The following B3GLCT variants were observed in gnomAD, a reference collection of about 807,000 sequenced individuals.
The protein encoded by B3GLCT is beta-1,3-glucosyltransferase.
B3GLCT carries 65 observed loss-of-function variants against 63.4 expected under a neutral mutation model. That is an observed-to-expected ratio of 1.03 (90% confidence interval 0.84 to 1.26). B3GLCT has a LOEUF of 1.26. Among genes scored for constraint, B3GLCT ranks in the 50% most tolerant of loss-of-function variants. The probability of loss-of-function intolerance (pLI) is 0.00; values close to 1 mark genes in which losing one functional copy is unlikely to be tolerated. For missense variants in B3GLCT, 577 were observed against 604.8 expected (o/e 0.95, Z 0.48); for synonymous variants, 233 against 219.2 (o/e 1.06, Z -0.55).
chr13:31,245,485 A>G (rs1328541390), intron 4 of B3GLCT, among the ~76,000 whole-genome samples: 2 of 151,996 alleles, frequency 1.3e-5, no homozygotes, highest in Non-Finnish European at 2.9e-5. Flanking sequence ...TGGTTCTTCT[A>G]GTCTCTGTTC....
At chr13:31,236,692 G>C (rs1292912296) in intron 4 of B3GLCT, among the ~76,000 whole-genome samples, 2 of 152,216 alleles carry the variant, frequency 1.3e-5, no homozygotes, top group East Asian at 3.8e-4. Flanking sequence ...GGGTTAACAA[G>C]TCTTTTGGAA....
intron 12 of B3GLCT, among the ~76,000 whole-genome samples, chr13:31,295,121 C>T (rs1297906219): frequency 2.6e-5 from 4 of 152,198 alleles, no homozygotes; most frequent in Admixed American, 6.5e-5. Context: ...CAGACCCCAT[C>T]TGCCTGGGTA....
Position 31,253,618 on chromosome 13 carries a change from A to AAAAAAAAAC in B3GLCT, c.459+5655_459+5656insAAAAACAAA, listed in dbSNP as rs1555249042. 9.7e-5 allele frequency among the ~76,000 whole-genome samples: 8 copies of AAAAAAAAAC among 82,306 alleles called. 2 individuals are homozygous for AAAAAAAAAC. The highest frequency in any genetic ancestry group is 2.4e-4 in the African/African-American group (5 of 20,476). 54.0% of individuals were successfully genotyped at this position (82,306 alleles called of 152,430 possible). A position where few individuals can be genotyped will look rare whatever the true frequency, so the allele number is the denominator to read the frequency against. ...CTCAAAAAAAAAAAAAAAAAAAAAAAAAACTAGAGAAGCAAGAGCAAGCAA... is the reference window on the plus strand; with the variant it reads ...CTCAAAAAAAAAAAAAAAAAAAAAAAAAAAAAAACAAACTAGAGAAGCAAGAGCAAGCAA... On this transcript the variant is annotated intron_variant, in intron 6 of 14. Coordinates refer to ENST00000343307, the MANE Select transcript of B3GLCT (RefSeq NM_194318.4).
At chr13:31,220,980 G>A (rs1337667381) in intron 2 of B3GLCT, among the ~76,000 whole-genome samples, 1 of 152,134 alleles carries the variant, frequency 6.6e-6, no homozygotes, top group Non-Finnish European at 1.5e-5. Context: ...CACATCTAAT[G>A]ATGTGTATTT....
At chr13:31,212,267 CT>C (rs59719685) in intron 1 of B3GLCT, among the ~76,000 whole-genome samples, 19,309 of 91,656 alleles carry the variant, frequency 0.21, 1,552 homozygotes, top group East Asian at 0.35. Context: ...GCATAACTGG[CT>C]TTTTTTTTTT....
intron 2 of B3GLCT, among the ~76,000 whole-genome samples, chr13:31,216,633 A>G (rs1593250343): frequency 6.6e-6 from 1 of 152,124 alleles, no homozygotes; most frequent in African/African-American, 2.4e-5. Flanking sequence ...CCCAGTGTCT[A>G]TTGTTCCCTT....
intron 5 of B3GLCT, 67 bp downstream of exon 5, chr13:31,247,166 T>G: frequency 7.9e-7 from 1 of 1,272,250 alleles, no homozygotes; most frequent in Non-Finnish European, 1.1e-6. Context: ...GCCCTTAGTC[T>G]TTTTATTAAG....
intron 1 of B3GLCT, among the ~76,000 whole-genome samples, chr13:31,212,846 A>G (rs1409269737): frequency 6.6e-6 from 1 of 152,218 alleles, no homozygotes; most frequent in Non-Finnish European, 1.5e-5. Context: ...TCTCTGTATG[A>G]TATTCCTTAA....
At position 31,317,559 on chromosome 13, in the gene B3GLCT, A is replaced by G; in HGVS notation, c.1065-7A>G. ...AATCATGATTTGTGTTCCCTTTGGC[A>G]TCTCAGTATCTCCAGGCTCCAGCAC... On this transcript the variant is annotated splice_polypyrimidine_tract_variant and splice_region_variant and intron_variant, in intron 12 of 14. Transcript: ENST00000343307. The G allele has an allele frequency of 1.9e-6, 3 of 1,614,022 alleles. No homozygotes were observed. The highest frequency in any genetic ancestry group is 2.5e-6 in the Non-Finnish European group (3 of 1,179,924).
chr13:31,250,228 C>T (rs1871365814), intron 6 of B3GLCT, among the ~76,000 whole-genome samples: 1 of 152,168 alleles, frequency 6.6e-6, no homozygotes, highest in Admixed American at 6.5e-5. Flanking sequence ...GGCCGGAGTG[C>T]AGTGGTGCAG....
rs1285229885 is a variant in B3GLCT at position 31,200,048 on chromosome 13, C to T, written c.-37C>T. ...TCCGCTCCCCGCGCGTCTCCCTTCC[C>T]CGCGCCCAGGTAGGGCGCTCAGCCT... On this transcript the variant is annotated 5_prime_UTR_variant, in exon 1 of 15. Transcript: ENST00000343307. The T allele has an allele frequency of 1.5e-6, 2 of 1,306,170 alleles. No homozygotes were observed. Among genetic ancestry groups the T allele is most frequent in the Non-Finnish European group, 2.0e-6 (2 of 1,012,074 alleles). 80.9% of individuals were successfully genotyped at this position (1,306,170 alleles called of 1,614,324 possible).
intron 8 of B3GLCT, among the ~76,000 whole-genome samples, chr13:31,272,435 C>G (rs1311717601): frequency 6.6e-6 from 1 of 152,014 alleles, no homozygotes; most frequent in Non-Finnish European, 1.5e-5. Context: ...CCAGGCTGGT[C>G]TTGAATTCCT....
At chr13:31,308,347 T>TGAAAAAAAAAAAAAA (rs1450252463) in intron 12 of B3GLCT, among the ~76,000 whole-genome samples, 1 of 23,670 alleles carries the variant, frequency 4.2e-5, no homozygotes, top group Non-Finnish European at 1.2e-4. Context: ...AAAAAAAAAT[T>TGAAAAAAAAAAAAAA]AAAAAAAAAA....
intron 1 of B3GLCT, among the ~76,000 whole-genome samples, chr13:31,208,627 C>CG (rs11377540): frequency 8.3e-5 from 11 of 133,182 alleles, no homozygotes; most frequent in African/African-American, 2.3e-4. Context: ...TGGCCCCCCC[C>CG]CCCCGCTCAC....
intron 8 of B3GLCT, among the ~76,000 whole-genome samples, chr13:31,271,665 A>T (rs1872578798): frequency 6.6e-6 from 1 of 152,192 alleles, no homozygotes; most frequent in South Asian, 2.1e-4. Flanking sequence ...TTCAGTTTTC[A>T]TATCTATTAG....
chr13:31,323,943 T>G, intron 14 of B3GLCT, 48 bp downstream of exon 14: 2 of 1,602,834 alleles, frequency 1.2e-6, no homozygotes, highest in Non-Finnish European at 1.7e-6. Context: ...GAGGGACAGA[T>G]TCTTCTCACT....
At chr13:31,280,189 G>A (rs1486334473) in intron 10 of B3GLCT, among the ~76,000 whole-genome samples, 1 of 152,222 alleles carries the variant, frequency 6.6e-6, no homozygotes, top group East Asian at 1.9e-4. Flanking sequence ...AATCACAAGA[G>A]TATTGATTGG....
chr13:31,247,903 A>G lies in B3GLCT; in HGVS notation c.396A>G (p.Glu132=). 6.2e-7 allele frequency: 1 copy of G among 1,611,922 alleles called. No homozygotes were observed. The highest frequency in any genetic ancestry group is 1.3e-5 in the African/African-American group (1 of 75,024). ...ATTCATCTTGGATTTTCTTCTGTGAAGAAGAGACAAGAATACAGATTCCAA... is the reference window on the plus strand; with the variant it reads ...ATTCATCTTGGATTTTCTTCTGTGAGGAAGAGACAAGAATACAGATTCCAA... ...SRNSSWIFFC[E]EETRIQIPKL... is the part of the protein sequence containing the mutation. Residue 132 remains glutamate, a synonymous_variant, in exon 6 of 15, where the codon GAA becomes GAG. Coordinates refer to ENST00000343307, the MANE Select transcript of B3GLCT (RefSeq NM_194318.4).
At chr13:31,215,228 C>T in intron 2 of B3GLCT, 128 bp downstream of exon 2, 1 of 1,020,196 alleles carries the variant, frequency 9.8e-7, no homozygotes, top group South Asian at 1.4e-5. Flanking sequence ...ATAATGTGGT[C>T]AACATGGATT....
Sources: gnomAD v4.1 joint callset for allele counts (sites outside exome capture counted in the v4.1 genomes callset) on GRCh38, gnomAD v4.1.1 for gene constraint, MANE v1.5 for transcripts, NCBI Gene and HGNC (gene_info 2026-07-23, HGNC 2026-07-21) for gene names.